Variants in NXN observed in about 807,000 individuals in gnomAD.
The protein encoded by NXN is nucleoredoxin 1.
NXN carries 16 observed loss-of-function variants against 48.6 expected under a neutral mutation model. The observed-to-expected ratio is 0.33, with a 90% CI of 0.22 to 0.50. The LOEUF is 0.50. Among genes scored for constraint, NXN ranks in the 20% least tolerant of loss-of-function variants. NXN has a pLI of 0.98. For missense variants in NXN, 492 were observed against 605.5 expected (o/e 0.81, Z 1.97); for synonymous variants, 281 against 269.6 (o/e 1.04, Z -0.41).
chr17:963,248 A>G (rs2150631070), intron 1 of NXN, among the ~76,000 whole-genome samples: 1 of 136,888 alleles, frequency 7.3e-6, no homozygotes, highest in East Asian at 2.6e-4. Flanking sequence ...CACCCCTTTC[A>G]TTTTATTTGA....
chr17:847,169 A>G (rs2144734601), intron 1 of NXN, among the ~76,000 whole-genome samples: 1 of 151,694 alleles, frequency 6.6e-6, no homozygotes, highest in South Asian at 2.1e-4. Flanking sequence ...CGGAGCCACT[A>G]GCACTCGGCA....
At chr17:824,712 C>T (rs1464605045) in intron 2 of NXN, among the ~76,000 whole-genome samples, 1 of 152,180 alleles carries the variant, frequency 6.6e-6, no homozygotes, top group East Asian at 1.9e-4. Context: ...CCCACCCAGC[C>T]CAGATGGTCC....
chr17:862,645 G>C (rs932323535), intron 1 of NXN, among the ~76,000 whole-genome samples: 1 of 152,222 alleles, frequency 6.6e-6, no homozygotes, highest in Non-Finnish European at 1.5e-5. Context: ...ACCACTTACT[G>C]CTCGTTAGTT....
chr17:886,960 G>A (rs998538117), intron 1 of NXN, among the ~76,000 whole-genome samples: 1 of 151,996 alleles, frequency 6.6e-6, no homozygotes, highest in African/African-American at 2.4e-5. Flanking sequence ...GATCCAGGCT[G>A]GAGTGCAGTG....
rs369315890 is a variant in NXN at position 819,562 on chromosome 17, G to A, written c.714-17C>T. On this transcript the variant is annotated splice_polypyrimidine_tract_variant and intron_variant, in intron 4 of 7. Transcript: ENST00000336868. ...TCCTCCGACCTACAGAGAGACACACGTGGCGGGCAAGGCTCAGTATCCCCA... is the reference window on the plus strand; with the variant it reads ...TCCTCCGACCTACAGAGAGACACACATGGCGGGCAAGGCTCAGTATCCCCA... 5.3e-5 allele frequency: 82 copies of A among 1,556,196 alleles called. No homozygotes were observed. The South Asian group carries it at 6.7e-4, about 13-fold the overall frequency.
At chr17:854,648 CTG>C (rs2067966024) in intron 1 of NXN, among the ~76,000 whole-genome samples, 2 of 110,940 alleles carry the variant, frequency 1.8e-5, no homozygotes, top group Non-Finnish European at 3.6e-5. Flanking sequence ...GAGCGAGACT[CTG>C]TCTCAAAAAA....
In NXN at chr17:920,437, GCCTGCCTGATCCCAATTCCT is replaced by G. The variant is rs1308366525; in HGVS notation, c.360+58862_360+58881del. Among the ~76,000 whole-genome samples the G allele has an allele frequency of 1.3e-5, 2 of 151,960 alleles. No homozygotes were observed. Among genetic ancestry groups the G allele is most frequent in the Non-Finnish European group, 2.9e-5 (2 of 67,994 alleles). ...GCCAATGTAGCCTTGGGGATGCCGA[GCCTGCCTGATCCCAATTCCT>G]CCAGCGTTCTCCTCCCAGGGTTCCG... On this transcript the variant is annotated intron_variant, in intron 1 of 7. Coordinates refer to ENST00000336868, the MANE Select transcript of NXN (RefSeq NM_022463.5). This position sits in a 1 kb window ranked among gnomAD's most constrained non-coding sequence, Gnocchi z 4.6.
chr17:941,062 C>G (rs12936829), intron 1 of NXN, among the ~76,000 whole-genome samples: 2 of 129,122 alleles, frequency 1.5e-5, no homozygotes, highest in South Asian at 5.1e-4. Flanking sequence ...CCAAACACCT[C>G]CCTGGATTTC....
chr17:874,409 C>A (rs71357123), intron 1 of NXN, among the ~76,000 whole-genome samples: 29,364 of 152,076 alleles, frequency 0.19, 3,192 homozygotes, highest in Middle Eastern at 0.34. Context: ...AATGGTGAAA[C>A]CCCACCTCTG....
chr17:814,758 G>C (rs575692618), intron 5 of NXN, among the ~76,000 whole-genome samples: 1 of 152,118 alleles, frequency 6.6e-6, no homozygotes, highest in East Asian at 1.9e-4. Flanking sequence ...GGGCGCAGTG[G>C]CTCACGCCTG....
At position 834,941 on chromosome 17, in the gene NXN, G is replaced by A. The variant is rs1913707377; in HGVS notation, c.361-8863C>T. ...GCGTGAGCCACCACGCCTGGCCCCAGGGTGCATTCTCATGATCCCTTGCTG... is the reference window on the plus strand; with the variant it reads ...GCGTGAGCCACCACGCCTGGCCCCAAGGTGCATTCTCATGATCCCTTGCTG... On this transcript the variant is annotated intron_variant, in intron 1 of 7. Coordinates refer to ENST00000336868, the MANE Select transcript of NXN (RefSeq NM_022463.5). Among the ~76,000 whole-genome samples the A allele has an allele frequency of 2.0e-5, 3 of 150,774 alleles. No individual in the cohort carries two copies. The South Asian group carries it at 6.5e-4, about 33-fold the overall frequency.
At chr17:955,472 ATCTCTTCTC>A (rs2069156315) in intron 1 of NXN, among the ~76,000 whole-genome samples, 1 of 150,126 alleles carries the variant, frequency 6.7e-6, no homozygotes, top group African/African-American at 2.4e-5. Context: ...GCCTGGCCTC[ATCTCTTCTC>A]TAAGAGCAAA....
At position 831,243 on chromosome 17, in the gene NXN, C is replaced by T. The variant is rs544853454; in HGVS notation, c.361-5165G>A. On this transcript the variant is annotated intron_variant, in intron 1 of 7. Transcript: ENST00000336868. ...GGGAGGCAAGGGGGAGCGGATCACC[C>T]GAGCCCAGGACTTCAAGACCAGCCT... Among the ~76,000 whole-genome samples, 38 of 151,436 alleles carry T rather than the reference C, an allele frequency of 2.5e-4. No homozygotes were observed. In the East Asian group the frequency reaches 3.5e-3, roughly 14 times the overall value.
intron 5 of NXN, among the ~76,000 whole-genome samples, chr17:813,054 CGT>C (rs549363580): frequency 1.1e-3 from 170 of 152,232 alleles, no homozygotes; most frequent in Non-Finnish European, 2.0e-3. Context: ...CGTGTGTGTG[CGT>C]GTGTTCACAC....
At chr17:905,689 G>A (rs1262588863) in intron 1 of NXN, among the ~76,000 whole-genome samples, 1 of 152,092 alleles carries the variant, frequency 6.6e-6, no homozygotes, top group Non-Finnish European at 1.5e-5. Flanking sequence ...AAGGTAAAAA[G>A]GGTTGGGCAT....
chr17:812,843 G>T (rs1597619870), intron 5 of NXN, among the ~76,000 whole-genome samples: 1 of 146,166 alleles, frequency 6.8e-6, no homozygotes, highest in South Asian at 2.3e-4. Flanking sequence ...TGTGAGTGTA[G>T]GTGTGTGCAT....
intron 1 of NXN, among the ~76,000 whole-genome samples, chr17:836,283 T>C (rs990954551): frequency 5.3e-5 from 8 of 152,194 alleles, no homozygotes; most frequent in Admixed American, 1.3e-4. Context: ...TCAGCTTTTC[T>C]TTCCAACAGC....
At chr17:837,657 G>A (rs1913899930) in intron 1 of NXN, among the ~76,000 whole-genome samples, 1 of 152,182 alleles carries the variant, frequency 6.6e-6, no homozygotes, top group African/African-American at 2.4e-5. Flanking sequence ...ATCCAGCGCT[G>A]GTGGGATCAG....
chr17:865,974 C>T (rs2068091785), intron 1 of NXN, among the ~76,000 whole-genome samples: 2 of 151,286 alleles, frequency 1.3e-5, no homozygotes, highest in Admixed American at 1.3e-4. Flanking sequence ...CAGAGCAAGA[C>T]TCTATCTCAA....
Sources: gnomAD v4.1 joint callset for allele counts (sites outside exome capture counted in the v4.1 genomes callset) on GRCh38, gnomAD v4.1.1 for gene constraint, Gnocchi (gnomAD v3.1) non-coding constraint, MANE v1.5 for transcripts, NCBI Gene and HGNC (gene_info 2026-07-23, HGNC 2026-07-21) for gene names.